Variants in FLRT1 observed in about 807,000 individuals in gnomAD.
The protein encoded by FLRT1 is fibronectin leucine rich transmembrane protein 1.
FLRT1 carries 14 observed loss-of-function variants against 30.9 expected under a neutral mutation model. That is an observed-to-expected ratio of 0.45 (90% confidence interval 0.30 to 0.71). FLRT1 has a LOEUF of 0.71. Among genes scored for constraint, FLRT1 ranks in the 30% least tolerant of loss-of-function variants. FLRT1 has a pLI of 0.08. For missense variants in FLRT1, 737 were observed against 949.2 expected, an observed-to-expected ratio of 0.78 and a Z score of 2.94; for synonymous variants, 368 against 430.4, an observed-to-expected ratio of 0.85 and a Z score of 1.80.
rs1191882323 is a variant in FLRT1, at chr11:64,069,731, GC to G, written c.-1037-33459del. ...GGGGCTGGTGACACCCCCGGGCCCGGCCCCGGCAGCTGTGTCACCTAAATGC... is the reference window on the plus strand; with the variant it reads ...GGGGCTGGTGACACCCCCGGGCCCGGCCCGGCAGCTGTGTCACCTAAATGC... On this transcript the variant is annotated intron_variant, in intron 1 of 2. Coordinates refer to ENST00000682287, the MANE Select transcript of FLRT1 (RefSeq NM_013280.5). Among the ~76,000 whole-genome samples the G allele has an allele frequency of 1.9e-4, 29 of 152,304 alleles. 1 individual carries two copies. In the East Asian group the frequency reaches 5.6e-3, roughly 29 times the overall value.
chr11:64,038,850 C>G (rs577483899), intron 1 of FLRT1, among the ~76,000 whole-genome samples: 1 of 152,318 alleles, frequency 6.6e-6, no homozygotes, highest in Middle Eastern at 3.4e-3. Flanking sequence ...GGTTTCTCTA[C>G]CTGGCCTGCT....
intron 1 of FLRT1, among the ~76,000 whole-genome samples, chr11:64,057,632 T>G (rs1459473733): frequency 1.3e-5 from 2 of 152,162 alleles, no homozygotes; most frequent in Non-Finnish European, 2.9e-5. Flanking sequence ...CCTGGACCCC[T>G]TGAAGATCAA....
intron 1 of FLRT1, among the ~76,000 whole-genome samples, chr11:64,046,937 A>G (rs1943595354): frequency 6.6e-6 from 1 of 152,200 alleles, no homozygotes; most frequent in Non-Finnish European, 1.5e-5. Flanking sequence ...ACTAGCTCTG[A>G]GACCATCAGT....
In FLRT1 at chr11:64,118,960, T is replaced by C. The variant is rs1218460390; in HGVS notation, c.*668T>C. 2 of 166,828 alleles carry C rather than the reference T, an allele frequency of 1.2e-5. No homozygotes were observed. Among genetic ancestry groups the C allele is most frequent in the Admixed American group, 1.3e-4 (2 of 15,252 alleles). 10.3% of individuals were successfully genotyped at this position (166,828 alleles called of 1,614,324 possible). A position where few individuals can be genotyped will look rare whatever the true frequency, so the allele number is the denominator to read the frequency against. On this transcript the variant is annotated 3_prime_UTR_variant, in exon 3 of 3. Coordinates refer to ENST00000682287, the MANE Select transcript of FLRT1 (RefSeq NM_013280.5). ...AAAAACAAACTTTTTTTTCCTAGGC[T>C]GAAGCCCTCTTCAGTTCCATGCACC...
At chr11:64,097,128 C>A (rs1944590718) in intron 1 of FLRT1, among the ~76,000 whole-genome samples, 1 of 152,232 alleles carries the variant, frequency 6.6e-6, no homozygotes, top group Admixed American at 6.5e-5. Flanking sequence ...CTCAGCTGCA[C>A]TGTGAGGACG....
chr11:64,077,973 T>TTCCCCTGCCTCCTC (rs1326457102), intron 1 of FLRT1, among the ~76,000 whole-genome samples: 2 of 150,072 alleles, frequency 1.3e-5, no homozygotes, highest in Non-Finnish European at 2.9e-5. Context: ...CTGGCCTCCT[T>TTCCCCTGCCTCCTC]TCCCCTGCCT....
At chr11:64,092,034 G>A (rs766120191) in intron 1 of FLRT1, among the ~76,000 whole-genome samples, 2 of 152,164 alleles carry the variant, frequency 1.3e-5, no homozygotes, top group Non-Finnish European at 2.9e-5. Context: ...CAGCTCCTGA[G>A]GGTCCCAAAA....
intron 2 of FLRT1, among the ~76,000 whole-genome samples, chr11:64,110,909 G>A (rs545556256): frequency 2.6e-5 from 4 of 152,258 alleles, no homozygotes; most frequent in African/African-American, 4.8e-5. Context: ...CCCAGGTCCC[G>A]CCCTACTTTC....
chr11:64,095,644 C>T (rs1042889408), intron 1 of FLRT1, among the ~76,000 whole-genome samples: 2 of 152,176 alleles, frequency 1.3e-5, no homozygotes, highest in African/African-American at 4.8e-5. Flanking sequence ...CTGAGTAACT[C>T]GGATGATGGC....
intron 1 of FLRT1, among the ~76,000 whole-genome samples, chr11:64,102,700 T>C (rs1020597210): frequency 6.6e-6 from 1 of 152,130 alleles, no homozygotes; most frequent in Non-Finnish European, 1.5e-5. Context: ...ATTGTCAGGA[T>C]TTGGAAAGAG....
chr11:64,043,444 CGCCTGGTT>C (rs1173112921), intron 1 of FLRT1, among the ~76,000 whole-genome samples: 2 of 152,162 alleles, frequency 1.3e-5, no homozygotes, highest in African/African-American at 4.8e-5. Context: ...GGACTCTAAA[CGCCTGGTT>C]GTGACAAAAG....
At chr11:64,058,687 A>C (rs1331742525) in intron 1 of FLRT1, among the ~76,000 whole-genome samples, 1 of 152,242 alleles carries the variant, frequency 6.6e-6, no homozygotes, top group Admixed American at 6.5e-5. Flanking sequence ...GCCGGCTGCA[A>C]CCGCTCATTT....
At chr11:64,076,038 G>A (rs758155030) in intron 1 of FLRT1, among the ~76,000 whole-genome samples, 8 of 152,272 alleles carry the variant, frequency 5.3e-5, no homozygotes, top group Non-Finnish European at 8.8e-5. Flanking sequence ...GTTCCAAGTC[G>A]CTCTCTCAAT....
At chr11:64,093,444 C>T (rs1041461025) in intron 1 of FLRT1, among the ~76,000 whole-genome samples, 2 of 152,254 alleles carry the variant, frequency 1.3e-5, no homozygotes, top group African/African-American at 4.8e-5. Context: ...GGCATGCTCA[C>T]CGCTGCCTGG....
chr11:64,055,659 A>AC (rs1482159073), intron 1 of FLRT1, among the ~76,000 whole-genome samples: 1 of 152,102 alleles, frequency 6.6e-6, no homozygotes, highest in Non-Finnish European at 1.5e-5. Flanking sequence ...TGCATGTTAG[A>AC]CCAGGAATAA....
At chr11:64,059,070 T>G (rs1361463316) in intron 1 of FLRT1, among the ~76,000 whole-genome samples, 1 of 152,142 alleles carries the variant, frequency 6.6e-6, no homozygotes, top group African/African-American at 2.4e-5. Flanking sequence ...CAATTTGCAC[T>G]GGGGGAAACT....
intron 1 of FLRT1, among the ~76,000 whole-genome samples, chr11:64,097,241 G>A (rs1247751964): frequency 1.3e-5 from 2 of 152,248 alleles, no homozygotes; most frequent in African/African-American, 2.4e-5. Flanking sequence ...GCTGGGTCCA[G>A]TGGGGCAGGT....
In FLRT1 at chr11:64,117,519, G is replaced by C; in HGVS notation, c.1252G>C (p.Gly418Arg). The C allele has an allele frequency of 6.2e-7, 1 of 1,605,622 alleles. No individual in the cohort carries two copies. The change falls in exon 3 of 3, where the codon GGG becomes CGG. Residue 418 changes from glycine to arginine, a missense_variant. Physicochemically the swap from Gly to Arg is moderately radical, Grantham distance 125. Coordinates refer to ENST00000682287, the MANE Select transcript of FLRT1 (RefSeq NM_013280.5). ...SLFTLKAKRPGLRLPDSNIDY... is the reference protein window; with the variant it reads ...SLFTLKAKRPRLRLPDSNIDY... Reference sequence around the variant, plus strand: ...GTTTACCCTCAAGGCCAAAAGGCCAGGGCTGCGCCTCCCCGACTCCAACAT... The same window carrying C: ...GTTTACCCTCAAGGCCAAAAGGCCACGGCTGCGCCTCCCCGACTCCAACAT...
chr11:64,100,803 G>A (rs1944657828), intron 1 of FLRT1, among the ~76,000 whole-genome samples: 2 of 152,176 alleles, frequency 1.3e-5, no homozygotes, highest in South Asian at 4.1e-4. Context: ...AGACGCTGAG[G>A]AGCCCAGTAT....
Sources: gnomAD v4.1 joint callset for allele counts (sites outside exome capture counted in the v4.1 genomes callset) on GRCh38, gnomAD v4.1.1 for gene constraint, MANE v1.5 for transcripts, NCBI Gene and HGNC (gene_info 2026-07-23, HGNC 2026-07-21) for gene names.